Variants in GSDMB observed in about 807,000 individuals in gnomAD.
The protein encoded by GSDMB is gasdermin-B.
In GSDMB, 32 loss-of-function variants were observed where a neutral mutation model predicts 42.9. That is an observed-to-expected ratio of 0.75 (90% CI 0.56 to 1.00). The LOEUF (loss-of-function observed/expected upper bound fraction) is 1.00, where lower values mean the gene tolerates loss of function less well. GSDMB is among the 50% of genes least tolerant of loss of function. The probability of loss-of-function intolerance (pLI) is 0.00; values close to 1 mark genes in which losing one functional copy is unlikely to be tolerated. For missense variants in GSDMB, 468 were observed against 498.5 expected, an observed-to-expected ratio of 0.94 and a Z score of 0.58; for synonymous variants, 175 against 193.7, an observed-to-expected ratio of 0.90 and a Z score of 0.80.
chr17:39,917,586 C>G (rs375522534), intron 1 of GSDMB: 1 of 406,420 alleles, frequency 2.5e-6, no homozygotes, highest in Non-Finnish European at 4.6e-6. Context: ...ATAGTCTCCC[C>G]GCCGCCGCCC....
intron 4 of GSDMB, 105 bp from the exon 5 acceptor site, chr17:39,909,147 T>G: frequency 2.9e-6 from 2 of 682,442 alleles, no homozygotes; most frequent in Non-Finnish European, 5.1e-6. Flanking sequence ...ATCCCCATTT[T>G]ATAGACGAGA....
At chr17:39,911,170 A>G (rs1317983816) in intron 3 of GSDMB, among the ~76,000 whole-genome samples, 1 of 152,010 alleles carries the variant, frequency 6.6e-6, no homozygotes. Flanking sequence ...CAAAAATACA[A>G]AAATTAGCTA....
rs769200123 is a variant in GSDMB at position 39,917,159 on chromosome 17, G to T, written c.158C>A (p.Thr53Lys). 1.9e-6 allele frequency: 3 copies of T among 1,614,112 alleles called. No individual in the cohort carries two copies. Among genetic ancestry groups the T allele is most frequent in the Non-Finnish European group, 2.5e-6 (3 of 1,179,962 alleles). Residue 53 changes from threonine to lysine, a missense_variant, in exon 2 of 11, where the codon ACA (threonine) becomes AAA (lysine). Coordinates refer to ENST00000418519, the MANE Select transcript of GSDMB (RefSeq NM_001165958.2). Reference sequence around the variant, plus strand: ...AATGTCCATCAGGGTGAGGCCTGTTGTGTAGTGCCGGCATCCAAAGAAAGT... The same window carrying T: ...AATGTCCATCAGGGTGAGGCCTGTTTTGTAGTGCCGGCATCCAAAGAAAGT... The part of the protein sequence containing the change: ...KRTFFGCRHY[T>K]TGLTLMDILD...
chr17:39,918,511 G>A (rs1481855049), intron 1 of GSDMB, 23 bp downstream of exon 1: 1 of 152,464 alleles, frequency 6.6e-6, no homozygotes, highest in Non-Finnish European at 1.5e-5. Flanking sequence ...GGGAACCACA[G>A]GCCCATCTCA....
intron 5 of GSDMB, 109 bp from the exon 6 acceptor site, chr17:39,908,323 T>TA: frequency 1.6e-5 from 2 of 124,802 alleles, no homozygotes; most frequent in African/African-American, 2.0e-4. Flanking sequence ...CAGCCTCCAA[T>TA]CAAAAAAAAA....
At chr17:39,905,030 G>C in intron 10 of GSDMB, 66 bp from the exon 11 acceptor site, 13 of 1,360,826 alleles carry the variant, frequency 9.6e-6, no homozygotes, top group Non-Finnish European at 1.4e-5. Flanking sequence ...GCAAATATTT[G>C]GCCACACTCC....
chr17:39,914,442 A>G (rs2063669544), intron 2 of GSDMB, among the ~76,000 whole-genome samples: 1 of 152,196 alleles, frequency 6.6e-6, no homozygotes, highest in South Asian at 2.1e-4. Context: ...GGATTCTGGA[A>G]TAGAAAAAGG....
At chr17:39,915,387 ATTTTCT>A (rs1254710582) in intron 2 of GSDMB, among the ~76,000 whole-genome samples, 1 of 152,138 alleles carries the variant, frequency 6.6e-6, no homozygotes, top group Non-Finnish European at 1.5e-5. Flanking sequence ...CATTGTAAGG[ATTTTCT>A]TTTTAAGTTT....
At chr17:39,906,310 CA>C in intron 7 of GSDMB, 39 bp from the exon 8 acceptor site, 1 of 1,602,330 alleles carries the variant, frequency 6.2e-7, no homozygotes, top group Non-Finnish European at 8.5e-7. Context: ...CCACCCAGCC[CA>C]AAAGGTTTTA....
intron 6 of GSDMB, chr17:39,907,211 T>C: frequency 1.5e-6 from 2 of 1,354,584 alleles, no homozygotes; most frequent in African/African-American, 1.5e-5. Context: ...GCCTAGATGA[T>C]TGAGGAAGAA....
rs1360028280 is a variant in GSDMB, at chr17:39,905,465, C to T, written c.1059G>A (p.Glu353=). The change falls in exon 10 of 11, where the codon GAG becomes GAA. Residue 353 remains glutamate, a synonymous_variant. Transcript: ENST00000418519. The stretch of plus-strand genomic sequence containing the variant: ...GAGGAAGGGTCCCCTTCTCCAGGGC[C>T]TCAGCCACAAACTGCTGCTCTTCAG... ...ELSEEQQFVA[E]ALEKGTLPLL... is the part of the protein sequence containing the mutation. 11 of 1,610,034 alleles carry T rather than the reference C, an allele frequency of 6.8e-6. No individual in the cohort carries two copies. In the Admixed American group the frequency reaches 1.9e-4, roughly 27 times the overall value.
At position 39,909,011 on chromosome 17, in the gene GSDMB, C is replaced by G; in HGVS notation, c.608G>C (p.Arg203Pro). 1 of 1,602,992 alleles carries G rather than the reference C, an allele frequency of 6.2e-7. No homozygotes were observed. Among genetic ancestry groups the G allele is most frequent in the East Asian group, 2.3e-5 (1 of 43,974 alleles). The change falls in exon 5 of 11, where the codon CGG becomes CCG. Residue 203 changes from arginine (R) to proline (P), a missense_variant. By Grantham distance (103) the Arg-to-Pro change is moderately radical (BLOSUM62 -2). Coordinates refer to ENST00000418519, the MANE Select transcript of GSDMB (RefSeq NM_001165958.2). ...CTGCTTTACTCGATAGCTCAGGACC[C>G]GATTTGGGGGGATGGTCACTTCCCT... ...GQREVTIPPN[R>P]VLSYRVKQLV... is the part of the protein sequence containing the mutation.
At chr17:39,909,265 C>G (rs929786347) in intron 4 of GSDMB, among the ~76,000 whole-genome samples, 1 of 152,208 alleles carries the variant, frequency 6.6e-6, no homozygotes, top group African/African-American at 2.4e-5. Flanking sequence ...CTTGTTGCCA[C>G]TGTTCATTCA....
chr17:39,908,900 C>A, intron 5 of GSDMB, 58 bp downstream of exon 5: 1 of 1,084,264 alleles, frequency 9.2e-7, no homozygotes, highest in Non-Finnish European at 1.4e-6. Context: ...AATCCCACCC[C>A]CCACCTCACT....
At position 39,905,000 on chromosome 17, in the gene GSDMB, A is replaced by G. The variant is rs946934797; in HGVS notation, c.1099-36T>C. The G allele has an allele frequency of 3.2e-6, 5 of 1,580,774 alleles. No individual in the cohort carries two copies. In the African/African-American group the frequency reaches 6.7e-5, roughly 21 times the overall value. ...ACCCCCCAGATTGTAACAGCTAGGA[A>G]CAACGATATACCAGAAATGGCAAAT... On this transcript the variant is annotated intron_variant, in intron 10 of 10. Coordinates refer to ENST00000418519, the MANE Select transcript of GSDMB (RefSeq NM_001165958.2).
In GSDMB at chr17:39,912,371, G is replaced by A. The variant is rs746675335; in HGVS notation, c.362C>T (p.Ser121Leu). 45 of 1,613,796 alleles carry A rather than the reference G, an allele frequency of 2.8e-5. No homozygotes were observed. Among genetic ancestry groups the A allele is most frequent in the East Asian group, 6.7e-5 (3 of 44,894 alleles). The stretch of plus-strand genomic sequence containing the variant: ...ATACTGCTGGGATATCCGGTTCTCC[G>A]ATATCTTGATTTTCTGATGGTGGAA... The part of the protein sequence containing the change: ...QGFHHQKIKI[S>L]ENRISQQYLA... The change falls in exon 3 of 11, where the codon TCG becomes TTG. Residue 121 changes from serine to leucine, a missense_variant. Ser to Leu is a moderately radical substitution (Grantham distance 145). Transcript: ENST00000418519.
chr17:39,916,731 G>A (rs977409348), intron 2 of GSDMB, among the ~76,000 whole-genome samples: 2 of 152,166 alleles, frequency 1.3e-5, no homozygotes, highest in Non-Finnish European at 2.9e-5. Context: ...CAGCCCTAAA[G>A]CCTGCATCCT....
rs933526199 is a variant in GSDMB, at chr17:39,906,979, C to A, written c.709G>T (p.Gly237Cys). The A allele has an allele frequency of 3.1e-6, 5 of 1,614,006 alleles. No homozygotes were observed. The highest frequency in any genetic ancestry group is 4.2e-6 in the Non-Finnish European group (5 of 1,179,924). Residue 237 changes from glycine (G) to cysteine (C), a missense_variant, in exon 7 of 11, where the codon GGT becomes TGT. Gly to Cys is a radical substitution (Grantham distance 159). Coordinates refer to ENST00000418519, the MANE Select transcript of GSDMB (RefSeq NM_001165958.2). The part of the protein sequence containing the change: ...KTKSFPEEKD[G>C]ASSCLGKSLG... ...CCCTTACCTAAACAGGATGAAGCACCATCCTTCTCTGCAGAGAGAGGAAGA... is the reference window on the plus strand; with the variant it reads ...CCCTTACCTAAACAGGATGAAGCACAATCCTTCTCTGCAGAGAGAGGAAGA...
chr17:39,907,020 T>G, intron 6 of GSDMB, 33 bp from the exon 7 acceptor site: 1 of 1,613,766 alleles, frequency 6.2e-7, no homozygotes, highest in Non-Finnish European at 8.5e-7. Flanking sequence ...TTCAGAATCT[T>G]CAGATCACCT....
Sources: allele counts gnomAD v4.1 joint callset (sites outside exome capture counted in the v4.1 genomes callset), GRCh38; gene constraint gnomAD v4.1.1; transcripts MANE v1.5; gene names NCBI Gene and HGNC (gene_info 2026-07-23, HGNC 2026-07-21).